The following CYP51A1 variants were observed in gnomAD, a reference collection of about 807,000 sequenced individuals.
CYP51A1 encodes the protein lanosterol 14-alpha demethylase.
CYP51A1 carries 45 observed loss-of-function variants against 53.5 expected under a neutral mutation model. That is an observed-to-expected ratio of 0.84 (90% CI 0.66 to 1.08). The LOEUF (loss-of-function observed/expected upper bound fraction) is 1.08. CYP51A1 is among the 50% of genes least tolerant of loss of function. The pLI, the probability that CYP51A1 is intolerant of heterozygous loss-of-function variation, is 0.00. For synonymous variants in CYP51A1, 181 were observed against 217.7 expected, an observed-to-expected ratio of 0.83 and a Z score of 1.48; for missense variants, 462 against 621.7, an observed-to-expected ratio of 0.74 and a Z score of 2.73.
At position 92,126,302 on chromosome 7, in the gene CYP51A1, T is replaced by A. The variant is rs747004092; in HGVS notation, c.721A>T (p.Ser241Cys). 5.6e-6 allele frequency: 9 copies of A among 1,611,486 alleles called. No homozygotes were observed. The South Asian group carries it at 7.7e-5, about 14-fold the overall frequency. ...CCTGGTAAGAGCCAGGCTGCATGGC[T>A]GAAACCTCCATCCAAATCTGCATAC... ...QLYADLDGGF[S>C]HAAWLLPGWL... The change falls in exon 5 of 10, where the codon AGC becomes TGC. Residue 241 changes from serine to cysteine, a missense_variant. Physicochemically the swap from Ser to Cys is moderately radical, Grantham distance 112. Coordinates refer to ENST00000003100, the MANE Select transcript of CYP51A1 (RefSeq NM_000786.4).
At chr7:92,130,758 C>T (rs9691116) in intron 2 of CYP51A1, among the ~76,000 whole-genome samples, 7,616 of 152,240 alleles carry the variant, frequency 0.05, 263 homozygotes, top group Non-Finnish European at 0.078. Context: ...TAATCATTGT[C>T]TCCTAAACAG....
chr7:92,118,722 A>G (rs780744545), intron 7 of CYP51A1, 107 bp from the exon 8 acceptor site: 9 of 681,922 alleles, frequency 1.3e-5, no homozygotes, highest in Admixed American at 2.1e-5. Flanking sequence ...TTCCAGCTAA[A>G]AGTACAGAGG....
In CYP51A1 at chr7:92,126,230, T is replaced by A. The variant is rs576820558; in HGVS notation, c.770+23A>T. ...AATTATACAAAGTTAAATAACCTAG[T>A]GTAATATATTCTTTATCCATACCTG... On this transcript the variant is annotated intron_variant, in intron 5 of 9. Coordinates refer to ENST00000003100, the MANE Select transcript of CYP51A1 (RefSeq NM_000786.4). The A allele has an allele frequency of 2.3e-4, 350 of 1,530,864 alleles. 6 individuals are homozygous for A. The South Asian group carries it at 4.2e-3, about 18-fold the overall frequency. The allele number at this position is 1,530,864 out of a possible 1,614,324, so 94.8% of individuals were successfully genotyped here.
intron 3 of CYP51A1, 82 bp from the exon 4 acceptor site, chr7:92,127,713 A>G (rs1819829289): frequency 2.2e-6 from 3 of 1,361,436 alleles, no homozygotes; most frequent in Non-Finnish European, 3.1e-6. Flanking sequence ...TATTATAATT[A>G]TGTAACACTA....
intron 5 of CYP51A1, among the ~76,000 whole-genome samples, chr7:92,125,396 TC>T (rs1232545493): frequency 6.6e-6 from 1 of 151,944 alleles, no homozygotes; most frequent in Non-Finnish European, 1.5e-5. Flanking sequence ...TAGCAATCTA[TC>T]TCCTCCCCAT....
At chr7:92,123,444 G>T in intron 6 of CYP51A1, 129 bp from the exon 7 acceptor site, 1 of 873,748 alleles carries the variant, frequency 1.1e-6, no homozygotes, top group Non-Finnish European at 1.8e-6. Flanking sequence ...ACTATCACAA[G>T]TCAAGAGTTT....
intron 4 of CYP51A1, among the ~76,000 whole-genome samples, chr7:92,126,659 C>G (rs561827887): frequency 6.6e-6 from 1 of 152,268 alleles, no homozygotes; most frequent in South Asian, 2.1e-4. Flanking sequence ...TCTCAAAACC[C>G]CACTCATGAG....
chr7:92,133,258 A>ATTT lies in CYP51A1; in HGVS notation c.192+912_192+914dup, dbSNP rs57353833. Among the ~76,000 whole-genome samples, 806 of 146,210 alleles carry ATTT rather than the reference A, an allele frequency of 5.5e-3. 9 individuals are homozygous for ATTT. The highest frequency in any genetic ancestry group is 0.015 in the African/African-American group (611 of 39,752). On this transcript the variant is annotated intron_variant, in intron 1 of 9. Coordinates refer to ENST00000003100, the MANE Select transcript of CYP51A1 (RefSeq NM_000786.4). ...TAAGGCTGTTAAATTGAAGAAAATG[A>ATTT]TTTTTTTTTTTTTTGAGACGGAGTC...
intron 7 of CYP51A1, among the ~76,000 whole-genome samples, chr7:92,120,395 A>G (rs1230228906): frequency 2.0e-5 from 3 of 152,210 alleles, no homozygotes; most frequent in African/African-American, 4.8e-5. Context: ...AAACATATCA[A>G]TGGAATAGAA....
intron 8 of CYP51A1, 38 bp downstream of exon 8, chr7:92,118,482 T>C (rs756189226): frequency 3.3e-5 from 36 of 1,075,218 alleles, no homozygotes; most frequent in Non-Finnish European, 5.2e-5. Flanking sequence ...TGATAAAAAC[T>C]GGGGGTATAG....
At chr7:92,128,461 T>TGTGTGTGTGTGTGTGTGTGTGC (rs1563181258) in intron 3 of CYP51A1, among the ~76,000 whole-genome samples, 5 of 137,462 alleles carry the variant, frequency 3.6e-5, no homozygotes, top group African/African-American at 1.4e-4. Flanking sequence ...TGTGTGCGCG[T>TGTGTGTGTGTGTGTGTGTGTGC]GCGTGTGTGT....
intron 5 of CYP51A1, 135 bp downstream of exon 5, chr7:92,126,114 GAAGA>G (rs1819794919): frequency 1.8e-6 from 1 of 558,852 alleles, no homozygotes; most frequent in African/African-American, 1.9e-5. Context: ...AATTCTTATA[GAAGA>G]AAGGGGATTC....
rs1323806567 is a variant in CYP51A1 at position 92,116,943 on chromosome 7, G to A, written c.1351+101C>T. On this transcript the variant is annotated intron_variant, in intron 9 of 9. Coordinates refer to ENST00000003100, the MANE Select transcript of CYP51A1 (RefSeq NM_000786.4). Reference sequence around the variant, plus strand: ...AAAGTTTGCAAAAATGTCCCTATGAGGAAAGGGAGAGATAATTTGTAAACA... The same window carrying A: ...AAAGTTTGCAAAAATGTCCCTATGAAGAAAGGGAGAGATAATTTGTAAACA... 17 of 1,240,692 alleles carry A rather than the reference G, an allele frequency of 1.4e-5. No individual in the cohort carries two copies. In the East Asian group the frequency reaches 3.5e-4, roughly 25 times the overall value. The allele number at this position is 1,240,692 out of a possible 1,614,324, so 76.9% of individuals were successfully genotyped here.
chr7:92,134,787 G>T, upstream of CYP51A1: 1 of 175,358 alleles, frequency 5.7e-6, no homozygotes, highest in Non-Finnish European at 1.2e-5. Context: ...AGCTCGAGCG[G>T]CGACGGCGCG....
intron 3 of CYP51A1, among the ~76,000 whole-genome samples, chr7:92,128,464 G>A (rs555422123): frequency 1.5e-4 from 17 of 111,680 alleles, no homozygotes; most frequent in East Asian, 5.0e-4. Flanking sequence ...GTGCGCGTGC[G>A]TGTGTGTGTG....
upstream of CYP51A1, chr7:92,134,646 G>A (rs889426700): frequency 6.3e-5 from 26 of 412,742 alleles, no homozygotes; most frequent in Admixed American, 9.1e-4. Flanking sequence ...ACAGTGGTAC[G>A]GGGCCGGAAG....
chr7:92,124,266 A>G (rs1040173267), intron 5 of CYP51A1, among the ~76,000 whole-genome samples: 2 of 152,228 alleles, frequency 1.3e-5, no homozygotes, highest in African/African-American at 4.8e-5. Flanking sequence ...TGGTTCTTCC[A>G]TGGAATCTGG....
intron 2 of CYP51A1, among the ~76,000 whole-genome samples, chr7:92,129,633 G>C (rs573794975): frequency 2.6e-5 from 4 of 151,856 alleles, no homozygotes; most frequent in Admixed American, 2.6e-4. Context: ...CAGTTTTCTG[G>C]TTATGATTGA....
chr7:92,124,401 C>T (rs1214510120), intron 5 of CYP51A1, among the ~76,000 whole-genome samples: 2 of 152,072 alleles, frequency 1.3e-5, no homozygotes, highest in Non-Finnish European at 2.9e-5. Flanking sequence ...TAGCAGGTAC[C>T]ATGTTAAGTG....
Sources: allele counts gnomAD v4.1 joint callset (sites outside exome capture counted in the v4.1 genomes callset), GRCh38; gene constraint gnomAD v4.1.1; transcripts MANE v1.5; gene names NCBI Gene and HGNC (gene_info 2026-07-23, HGNC 2026-07-21).